LYN: variants seen among roughly 807,000 people sequenced by gnomAD.
The protein encoded by LYN is tyrosine-protein kinase Lyn.
A neutral mutation model predicts 65.0 loss-of-function variants in LYN; 12 were observed. That is an observed-to-expected ratio of 0.18 (90% CI 0.12 to 0.30). LYN has a LOEUF of 0.30. LYN is among the 10% of genes least tolerant of loss of function. LYN has a pLI of 1.00. For missense variants in LYN, 380 were observed against 623.2 expected, an observed-to-expected ratio of 0.61 and a Z score of 4.16; for synonymous variants, 222 against 221.2, an observed-to-expected ratio of 1.00 and a Z score of -0.03.
chr8:55,907,385 C>T (rs1163636493), intron 1 of LYN, among the ~76,000 whole-genome samples: 2 of 152,100 alleles, frequency 1.3e-5, no homozygotes, highest in Non-Finnish European at 2.9e-5. Flanking sequence ...CACTTCATTT[C>T]TGTGAAGTTC....
intron 1 of LYN, among the ~76,000 whole-genome samples, chr8:55,938,597 G>A (rs949246935): frequency 1.3e-5 from 2 of 152,124 alleles, no homozygotes; most frequent in East Asian, 1.9e-4. Context: ...TACCACATTC[G>A]CATTTTTCTC....
At chr8:55,963,204 G>A (rs1417549845) in intron 8 of LYN, among the ~76,000 whole-genome samples, 1 of 152,236 alleles carries the variant, frequency 6.6e-6, no homozygotes, top group African/African-American at 2.4e-5. Context: ...GCTGATGCAA[G>A]CATGCATGAG....
chr8:55,954,121 C>A, intron 8 of LYN, 137 bp downstream of exon 8: 2 of 952,938 alleles, frequency 2.1e-6, no homozygotes, highest in Non-Finnish European at 3.1e-6. Context: ...TTTCCTCTGT[C>A]CATTGGGGCT....
chr8:55,885,061 A>G lies in LYN; in HGVS notation c.-6+4958A>G, dbSNP rs145910133. Among the ~76,000 whole-genome samples, 22 of 152,068 alleles carry G rather than the reference A, an allele frequency of 1.4e-4. 1 individual carries two copies. In the East Asian group the frequency reaches 4.1e-3, roughly 28 times the overall value. On this transcript the variant is annotated intron_variant, in intron 1 of 12. Coordinates refer to ENST00000519728, the MANE Select transcript of LYN (RefSeq NM_002350.4). ...CAGTACCCCTTCTTCTGCTCTCCCC[A>G]CTTCATTCCCTATCATCTTACAAAG...
At chr8:55,974,968 C>T (rs1807715375) in intron 10 of LYN, among the ~76,000 whole-genome samples, 1 of 152,156 alleles carries the variant, frequency 6.6e-6, no homozygotes, top group South Asian at 2.1e-4. Context: ...ATAATCTCCC[C>T]TCCACGTGGA....
At chr8:55,912,326 A>G (rs1398126382) in intron 1 of LYN, among the ~76,000 whole-genome samples, 2 of 152,246 alleles carry the variant, frequency 1.3e-5, no homozygotes, top group Admixed American at 1.3e-4. Flanking sequence ...AGTCAAGGAA[A>G]GAAATCAGGC....
intron 10 of LYN, among the ~76,000 whole-genome samples, chr8:55,984,664 G>A (rs911966310): frequency 6.6e-6 from 1 of 152,210 alleles, no homozygotes; most frequent in Non-Finnish European, 1.5e-5. Context: ...CTACTCCTGT[G>A]CTCAGCTGTG....
intron 10 of LYN, 142 bp downstream of exon 10, chr8:55,969,935 C>A: frequency 1.4e-6 from 1 of 701,348 alleles, no homozygotes; most frequent in Non-Finnish European, 2.5e-6. Context: ...AGACCTTCCA[C>A]AATACAATTC....
chr8:56,003,062 G>GT (rs749463299), intron 12 of LYN, among the ~76,000 whole-genome samples: 4,412 of 136,740 alleles, frequency 0.032, 127 homozygotes, highest in African/African-American at 0.074. Context: ...TTTGTTTTTT[G>GT]TTTTTTTTTT....
chr8:55,919,022 CAA>C lies in LYN; in HGVS notation c.-5-22810_-5-22809del, dbSNP rs35663372. ...GAGACCATGGGAGACCCTGTCTCTA[CAA>C]AAAAAAAAAAAAAAAAAAAAAAGTG... On this transcript the variant is annotated intron_variant, in intron 1 of 12. Transcript: ENST00000519728. 1.4e-4 allele frequency among the ~76,000 whole-genome samples: 9 copies of C among 62,748 alleles called. No individual in the cohort carries two copies. The East Asian group carries it at 2.3e-3, about 16-fold the overall frequency. 41.2% of individuals were successfully genotyped at this position (62,748 alleles called of 152,430 possible). A position where few individuals can be genotyped will look rare whatever the true frequency, so the allele number is the denominator to read the frequency against.
chr8:55,891,681 C>T (rs147137791), intron 1 of LYN, among the ~76,000 whole-genome samples: 19 of 151,880 alleles, frequency 1.3e-4, no homozygotes, highest in Non-Finnish European at 1.8e-4. Context: ...AAAATAGTTA[C>T]GATACAAGTT....
intron 1 of LYN, among the ~76,000 whole-genome samples, chr8:55,920,956 C>G (rs1805931559): frequency 6.6e-6 from 1 of 152,178 alleles, no homozygotes. Context: ...CTTAGCCTCC[C>G]AAAGTGCTGG....
chr8:55,954,483 A>T (rs1807044800), intron 8 of LYN, among the ~76,000 whole-genome samples: 2 of 152,270 alleles, frequency 1.3e-5, no homozygotes, highest in African/African-American at 4.8e-5. Context: ...CAAGAAGTGC[A>T]GCAAGATTAT....
At chr8:55,887,678 C>T (rs935002677) in intron 1 of LYN, among the ~76,000 whole-genome samples, 2 of 148,550 alleles carry the variant, frequency 1.3e-5, no homozygotes, top group Admixed American at 6.7e-5. Flanking sequence ...GGTGTGATCT[C>T]GGCTCACTGC....
intron 10 of LYN, among the ~76,000 whole-genome samples, chr8:55,973,304 T>G (rs1460937765): frequency 6.6e-6 from 1 of 152,192 alleles, no homozygotes; most frequent in Non-Finnish European, 1.5e-5. Context: ...TGAGCTCAAG[T>G]GTAATAATCC....
chr8:55,948,869 C>T (rs1219398663), intron 4 of LYN, among the ~76,000 whole-genome samples: 1 of 152,202 alleles, frequency 6.6e-6, no homozygotes, highest in Non-Finnish European at 1.5e-5. Flanking sequence ...GAGCATGATG[C>T]ATGTGTTTAA....
At chr8:55,997,920 T>TAA (rs1808420097) in intron 10 of LYN, among the ~76,000 whole-genome samples, 1 of 151,628 alleles carries the variant, frequency 6.6e-6, no homozygotes, top group African/African-American at 2.4e-5. Flanking sequence ...CCGTCTCTAC[T>TAA]AAAAATACAA....
At chr8:55,909,126 C>G (rs1470587632) in intron 1 of LYN, among the ~76,000 whole-genome samples, 1 of 151,120 alleles carries the variant, frequency 6.6e-6, no homozygotes, top group African/African-American at 2.4e-5. Flanking sequence ...TTCAGTAGAT[C>G]ATGGCGAATT....
chr8:56,009,794 G>A (rs923838738), intron 12 of LYN, 114 bp from the exon 13 acceptor site: 5 of 831,748 alleles, frequency 6.0e-6, no homozygotes, highest in Middle Eastern at 3.6e-4. Context: ...AGTAAAGCTT[G>A]TTTCAATCAT....
Sources: gnomAD v4.1 joint callset for allele counts (sites outside exome capture counted in the v4.1 genomes callset) on GRCh38, gnomAD v4.1.1 for gene constraint, MANE v1.5 for transcripts, NCBI Gene and HGNC (gene_info 2026-07-23, HGNC 2026-07-21) for gene names.